The following TSGA10IP variants were observed in gnomAD, a reference collection of about 807,000 sequenced individuals.
TSGA10IP encodes testis specific 10 interacting protein.
A neutral mutation model predicts 63.2 loss-of-function variants in TSGA10IP; 64 were observed. That is an observed-to-expected ratio of 1.01 (90% CI 0.83 to 1.25). The LOEUF (loss-of-function observed/expected upper bound fraction) is 1.25. TSGA10IP is among the 50% of genes most tolerant of loss of function. The pLI, the probability that TSGA10IP is intolerant of heterozygous loss-of-function variation, is 0.00. For missense variants in TSGA10IP, 681 were observed against 710.1 expected (o/e 0.96, Z 0.47); for synonymous variants, 316 against 298.3 (o/e 1.06, Z -0.61).
At chr11:65,951,252 T>C (rs1854936784) in intron 4 of TSGA10IP, among the ~76,000 whole-genome samples, 1 of 152,116 alleles carries the variant, frequency 6.6e-6, no homozygotes, top group Non-Finnish European at 1.5e-5. Flanking sequence ...GTAGTTCTAC[T>C]TGTAATTTTT....
chr11:65,947,019 A>G lies in TSGA10IP; in HGVS notation c.284+3A>G. 6.2e-7 allele frequency: 1 copy of G among 1,613,932 alleles called. No individual in the cohort carries two copies. On this transcript the variant is annotated splice_donor_region_variant and intron_variant, in intron 2 of 7. Transcript: ENST00000532620. ...CAGGGCTCTGAAGAGTCTGAAGAGT[A>G]AGCAGCAGTGGGATGGGTCAGGAGG... is the stretch of plus-strand genomic sequence containing the variant.
rs1022432084 is a variant in TSGA10IP, at chr11:65,953,092, G to A, written c.1152-475G>A. ...GTTGCCCAGGCTGGAGTACAATGGC[G>A]TGGTCTCGGCTCACTACAACCTCTG... On this transcript the variant is annotated intron_variant, in intron 4 of 7. Coordinates refer to ENST00000532620, the Ensembl canonical transcript of TSGA10IP. Among the ~76,000 whole-genome samples, 5 of 147,216 alleles carry A rather than the reference G, an allele frequency of 3.4e-5. No individual in the cohort carries two copies. The South Asian group carries it at 1.1e-3, about 32-fold the overall frequency.
intron 4 of TSGA10IP, 62 bp from the exon 5 acceptor site, chr11:65,953,498 AGCCCCTG>A: frequency 6.8e-7 from 1 of 1,478,290 alleles, no homozygotes; most frequent in Non-Finnish European, 8.9e-7. Flanking sequence ...TCCCTTATCC[AGCCCCTG>A]GCCCTCCGTG....
rs748290969 is a variant in TSGA10IP, at chr11:65,953,748, TG to T, written c.1322+14del. The stretch of plus-strand genomic sequence containing the variant: ...GCTGGAGGAGCTGAGGTAGGGAGCC[TG>T]GGCTTCGGGAGGCCTGGTTGGGAGA... On this transcript the variant is annotated intron_variant, in intron 5 of 7. Transcript: ENST00000532620. 1.3e-6 allele frequency: 2 copies of T among 1,502,412 alleles called. No individual in the cohort carries two copies. The highest frequency in any genetic ancestry group is 1.8e-6 in the Non-Finnish European group (2 of 1,133,344). The allele number at this position is 1,502,412 out of a possible 1,614,324, so 93.1% of individuals were successfully genotyped here. A position where few individuals can be genotyped will look rare whatever the true frequency, so the allele number is the denominator to read the frequency against.
chr11:65,959,132 C>A, intron 6 of TSGA10IP, 58 bp from the exon 7 acceptor site: 1 of 1,583,154 alleles, frequency 6.3e-7, no homozygotes, highest in Admixed American at 1.8e-5. Flanking sequence ...TAACCCGATC[C>A]CCACCTTGCC....
At chr11:65,959,833 G>A in exon 8 of TSGA10IP, 1 of 1,570,262 alleles carries the variant, frequency 6.4e-7, no homozygotes, top group Non-Finnish European at 8.6e-7. Context: ...CAGGTCAATG[G>A]GGGTGAGAAT....
At chr11:65,958,815 C>A in intron 5 of TSGA10IP, 68 bp from the exon 6 acceptor site, 2 of 1,317,024 alleles carry the variant, frequency 1.5e-6, no homozygotes, top group Non-Finnish European at 2.1e-6. Flanking sequence ...TGAAGATAAG[C>A]GGGCTCAGGA....
At chr11:65,949,169 A>G (rs1005279137) in intron 4 of TSGA10IP, among the ~76,000 whole-genome samples, 3 of 152,136 alleles carry the variant, frequency 2.0e-5, no homozygotes, top group Non-Finnish European at 4.4e-5. Flanking sequence ...ACATCACTGA[A>G]TTTTAGTCTG....
chr11:65,948,127 A>G, exon 4 of TSGA10IP: 1 of 1,603,988 alleles, frequency 6.2e-7, no homozygotes, highest in East Asian at 2.2e-5. Context: ...CGCACCTTCC[A>G]CAAACGACAG....
chr11:65,953,688 A>G lies in TSGA10IP; in HGVS notation c.1273A>G (p.Arg425Gly), dbSNP rs574976075. 22 of 1,585,180 alleles carry G rather than the reference A, an allele frequency of 1.4e-5. No individual in the cohort carries two copies. In the African/African-American group the frequency reaches 2.9e-4, roughly 21 times the overall value. The change falls in exon 5 of 8, where the codon AGA becomes GGA. Residue 425 changes from arginine to glycine, a missense_variant. Arg to Gly is a moderately radical substitution (Grantham distance 125). Transcript: ENST00000532620. The stretch of plus-strand genomic sequence containing the variant: ...CCACTGCCTGGCAGCCTACGCACCC[A>G]GAGGGAGCCGGGGCCCTGGGGCGGC...
Position 65,946,873 on chromosome 11 carries a change from T to C in TSGA10IP, c.148-7T>C. The C allele has an allele frequency of 1.2e-6, 2 of 1,613,290 alleles. No homozygotes were observed. The highest frequency in any genetic ancestry group is 1.7e-6 in the Non-Finnish European group (2 of 1,179,602). On this transcript the variant is annotated splice_polypyrimidine_tract_variant and splice_region_variant and intron_variant, in intron 1 of 7. Transcript: ENST00000532620. ...CTGGCTGCTCCTCCCCTACTGTCTC[T>C]GCCCAGGGCTGCCTGGGGAGTGGTG... is the stretch of plus-strand genomic sequence containing the variant.
exon 4 of TSGA10IP, chr11:65,948,061 G>A (rs778935913): frequency 6.3e-7 from 1 of 1,582,746 alleles, no homozygotes. Context: ...AAGCGGAATG[G>A]AAAGGCCTAT....
chr11:65,947,774 G>A lies in TSGA10IP; in HGVS notation c.949G>A (p.Gly317Arg). 1.3e-6 allele frequency: 2 copies of A among 1,584,990 alleles called. 1 individual carries two copies. Among genetic ancestry groups the A allele is most frequent in the South Asian group, 2.3e-5 (2 of 86,992 alleles). The change falls in exon 3 of 8, where the codon GGG becomes AGG. Residue 317 changes from glycine (G) to arginine (R), a missense_variant. Physicochemically the swap from Gly to Arg is moderately radical, Grantham distance 125 (BLOSUM62 -2). Coordinates refer to ENST00000532620, the Ensembl canonical transcript of TSGA10IP. ...GAAGACAAGGGCCAAGGAGCTGCAG[G>A]GGCCATGGGACCTGGAGAAGCTGCA...
rs1855013297 is a variant in TSGA10IP at position 65,955,721 on chromosome 11, C to T, written c.1322+1984C>T. Among the ~76,000 whole-genome samples, 4 of 152,262 alleles carry T rather than the reference C, an allele frequency of 2.6e-5. No homozygotes were observed. In the South Asian group the frequency reaches 6.2e-4, roughly 24 times the overall value. The stretch of plus-strand genomic sequence containing the variant: ...TACAAGGGGAAAAGTCAGTACGGCC[C>T]GCTCACCTTACTATCCTACCTTGGT... On this transcript the variant is annotated intron_variant, in intron 5 of 7. Coordinates refer to ENST00000532620, the Ensembl canonical transcript of TSGA10IP.
At chr11:65,948,790 A>G (rs1012582313) in intron 4 of TSGA10IP, among the ~76,000 whole-genome samples, 1 of 152,202 alleles carries the variant, frequency 6.6e-6, no homozygotes, top group African/African-American at 2.4e-5. Flanking sequence ...CCTGGGCAAC[A>G]TGGCGAAACC....
In TSGA10IP at chr11:65,958,913, C is replaced by G. The variant is rs1379334003; in HGVS notation, c.1353C>G (p.Tyr451Ter). Residue 451 changes from tyrosine to a stop codon, truncating the protein, a stop_gained, in exon 6 of 8, where the codon TAC becomes TAG. Transcript: ENST00000532620. LOFTEE classifies it high-confidence loss of function. ...AGGAGCGACAGCGCTTTGCTGAGTA[C>G]CAGGCGGAGCTGCAAGGCATCCAGC... 6.2e-7 allele frequency: 1 copy of G among 1,613,042 alleles called. No homozygotes were observed. The highest frequency in any genetic ancestry group is 1.7e-5 in the Admixed American group (1 of 59,996).
At chr11:65,955,544 C>T (rs1224835142) in intron 5 of TSGA10IP, among the ~76,000 whole-genome samples, 2 of 150,578 alleles carry the variant, frequency 1.3e-5, no homozygotes, top group Non-Finnish European at 3.0e-5. Flanking sequence ...ACCCGGGAGG[C>T]GGAGGTTGCA....
chr11:65,959,172 C>T lies in TSGA10IP; in HGVS notation c.1423-18C>T, dbSNP rs1855075246. The stretch of plus-strand genomic sequence containing the variant: ...GCAGCCCTGGTGCAGAGCAGGAAGC[C>T]GTCTTCTCTCTCCTCAGGCCAATGC... On this transcript the variant is annotated intron_variant, in intron 6 of 7. Transcript: ENST00000532620. 6.3e-6 allele frequency: 10 copies of T among 1,598,950 alleles called. No individual in the cohort carries two copies. Among genetic ancestry groups the T allele is most frequent in the East Asian group, 2.3e-5 (1 of 44,296 alleles).
chr11:65,948,889 C>G (rs1854893885), intron 4 of TSGA10IP, among the ~76,000 whole-genome samples: 1 of 152,118 alleles, frequency 6.6e-6, no homozygotes, highest in Non-Finnish European at 1.5e-5. Context: ...ACATGAGAAT[C>G]ACTTGAACCT....
Sources: allele counts gnomAD v4.1 joint callset (sites outside exome capture counted in the v4.1 genomes callset), GRCh38; gene constraint gnomAD v4.1.1; transcripts MANE v1.5; gene names NCBI Gene and HGNC (gene_info 2026-07-23, HGNC 2026-07-21).